Variants in MYOCD observed in about 807,000 individuals in gnomAD.
The protein encoded by MYOCD is myocardin.
Under a neutral mutation model 96.1 loss-of-function variants are expected in MYOCD, and 32 were observed. The ratio of observed to expected loss-of-function variants is 0.33; its 90% CI spans 0.25 to 0.45. The LOEUF (loss-of-function observed/expected upper bound fraction) is 0.45, where lower values mean the gene tolerates loss of function less well. MYOCD is among the 20% of genes least tolerant of loss of function. MYOCD has a pLI of 1.00. For missense variants in MYOCD, 1,133 were observed against 1,200.6 expected (o/e 0.94, Z 0.83); for synonymous variants, 469 against 469.0 (o/e 1.00, Z 0.00).
intron 1 of MYOCD, among the ~76,000 whole-genome samples, chr17:12,676,489 T>C (rs145075145): frequency 3.6e-4 from 55 of 152,296 alleles, no homozygotes; most frequent in African/African-American, 1.3e-3. Context: ...TTTTCTTATG[T>C]TCTTTCTTAT....
chr17:12,723,473 A>G (rs935363633), intron 5 of MYOCD, among the ~76,000 whole-genome samples: 1 of 152,212 alleles, frequency 6.6e-6, no homozygotes, highest in Non-Finnish European at 1.5e-5. Context: ...CCCAGCTCAC[A>G]GGCTCCTGGG....
rs929342703 is a variant in MYOCD, at chr17:12,715,444, A to G, written c.122-75A>G. 3.6e-5 allele frequency: 47 copies of G among 1,305,236 alleles called. No homozygotes were observed. In the South Asian group the frequency reaches 4.5e-4, roughly 12 times the overall value. The allele number at this position is 1,305,236 out of a possible 1,614,324, so 80.9% of individuals were successfully genotyped here. On this transcript the variant is annotated intron_variant, in intron 2 of 13. Transcript: ENST00000425538. ...CCCTACTGTGCATAGCTCAGCAAGC[A>G]CACCAGCAAACTCTGCGATACAGAC...
rs546098949 is a variant in MYOCD, at chr17:12,679,052, T to A, written c.55+12809T>A. On this transcript the variant is annotated intron_variant, in intron 1 of 13. Coordinates refer to ENST00000425538, the MANE Select transcript of MYOCD (RefSeq NM_001146312.3). ...CACCCAGCAGATTCAGACCTAGAAC[T>A]CTCGTCTCGGGGCTTGCAAAACCAA... Among the ~76,000 whole-genome samples, 5 of 152,178 alleles carry A rather than the reference T, an allele frequency of 3.3e-5. No homozygotes were observed. The East Asian group carries it at 5.8e-4, about 18-fold the overall frequency.
chr17:12,739,282 G>C lies in MYOCD; in HGVS notation c.671G>C (p.Gly224Ala). Residue 224 changes from glycine to alanine, a missense_variant, in exon 7 of 14, where the codon GGG becomes GCG. Physicochemically the swap from Gly to Ala is moderately conservative, Grantham distance 60. Coordinates refer to ENST00000425538, the MANE Select transcript of MYOCD (RefSeq NM_001146312.3). ...PSHQSDAGKQ[G>A]LGPPSTPIAV... ...CACCAGTCAGATGCGGGGAAGCAGGGGCTTGGCCCCCCCAGCACCCCCATA... is the reference window on the plus strand; with the variant it reads ...CACCAGTCAGATGCGGGGAAGCAGGCGCTTGGCCCCCCCAGCACCCCCATA... The C allele has an allele frequency of 6.2e-7, 1 of 1,608,074 alleles. No individual in the cohort carries two copies. Among genetic ancestry groups the C allele is most frequent in the South Asian group, 1.1e-5 (1 of 89,656 alleles).
Position 12,736,227 on chromosome 17 carries a change from G to A in MYOCD, c.482G>A (p.Gly161Glu), listed in dbSNP as rs757539762. 2.5e-6 allele frequency: 4 copies of A among 1,614,166 alleles called. No individual in the cohort carries two copies. The highest frequency in any genetic ancestry group is 2.5e-6 in the Non-Finnish European group (3 of 1,180,032). Reference protein sequence around the residue: ...FAFEEDSSSDGLSPDQTRSED... With the variant: ...FAFEEDSSSDELSPDQTRSED... ...TTTGAAGAGGACAGCAGCAGCGATG[G>A]GCTTTCTCCGGATCAGACTCGAAGT... The change falls in exon 6 of 14, where the codon GGG becomes GAG. Residue 161 changes from glycine to glutamate, a missense_variant. By Grantham distance (98) the Gly-to-Glu change is moderately conservative (BLOSUM62 -2). Coordinates refer to ENST00000425538, the MANE Select transcript of MYOCD (RefSeq NM_001146312.3).
intron 1 of MYOCD, among the ~76,000 whole-genome samples, chr17:12,684,531 A>G (rs1381376474): frequency 6.6e-6 from 1 of 152,208 alleles, no homozygotes; most frequent in Non-Finnish European, 1.5e-5. Flanking sequence ...TGCAGGGTCC[A>G]TTGTTCAACA....
At chr17:12,695,719 A>G (rs946424633) in intron 1 of MYOCD, among the ~76,000 whole-genome samples, 1 of 152,192 alleles carries the variant, frequency 6.6e-6, no homozygotes, top group Non-Finnish European at 1.5e-5. Flanking sequence ...TAATACACAT[A>G]AAATGTACCC....
In MYOCD at chr17:12,763,652, A is replaced by G; in HGVS notation, c.*8A>G. On this transcript the variant is annotated 3_prime_UTR_variant, in exon 14 of 14. Coordinates refer to ENST00000425538, the MANE Select transcript of MYOCD (RefSeq NM_001146312.3). ...CACTTGCAGCAGTGGTAGAATGCCC[A>G]ATGCACCAGTGCTATGGAAGACCAA... 1 of 1,601,230 alleles carries G rather than the reference A, an allele frequency of 6.2e-7. No individual in the cohort carries two copies. Among genetic ancestry groups the G allele is most frequent in the Non-Finnish European group, 8.5e-7 (1 of 1,173,036 alleles).
In MYOCD at chr17:12,733,885, A is replaced by AAAAAAAAAG. The variant is rs1567591071; in HGVS notation, c.416-2273_416-2272insAAAAAGAAA. Among the ~76,000 whole-genome samples the AAAAAAAAAG allele has an allele frequency of 2.3e-4, 32 of 139,782 alleles. 1 individual carries two copies. Among genetic ancestry groups the AAAAAAAAAG allele is most frequent in the Non-Finnish European group, 3.5e-4 (23 of 64,984 alleles). 91.7% of individuals were successfully genotyped at this position (139,782 alleles called of 152,430 possible). A position where few individuals can be genotyped will look rare whatever the true frequency, so the allele number is the denominator to read the frequency against. On this transcript the variant is annotated intron_variant, in intron 5 of 13. Transcript: ENST00000425538. ...CGTCTCAAAAAAAAGAAAAAAGAAAAAAAGAAAGAAATGAGAAAATGTGCC... is the reference window on the plus strand; with the variant it reads ...CGTCTCAAAAAAAAGAAAAAAGAAAAAAAAAAAAGAAAGAAAGAAATGAGAAAATGTGCC...
At chr17:12,673,194 A>G (rs1187845071) in intron 1 of MYOCD, among the ~76,000 whole-genome samples, 1 of 152,116 alleles carries the variant, frequency 6.6e-6, no homozygotes, top group Admixed American at 6.6e-5. Context: ...TTCCACAAGG[A>G]ACTTTCTGTT....
intron 2 of MYOCD, among the ~76,000 whole-genome samples, chr17:12,706,297 A>C (rs1393604502): frequency 6.6e-6 from 1 of 152,232 alleles, no homozygotes; most frequent in Non-Finnish European, 1.5e-5. Context: ...AAGGCTGTTT[A>C]AACAACGTTG....
At position 12,736,390 on chromosome 17, in the gene MYOCD, T is replaced by C. The variant is rs1455536008; in HGVS notation, c.591+54T>C. ...AGTAAAACAGCATCTCAGTGTATTA[T>C]CGTTTCAGTCTTAACATCAACACTG... On this transcript the variant is annotated intron_variant, in intron 6 of 13. Transcript: ENST00000425538. 3 of 1,570,146 alleles carry C rather than the reference T, an allele frequency of 1.9e-6. No homozygotes were observed. The African/African-American group carries it at 4.1e-5, about 21-fold the overall frequency.
chr17:12,703,018 C>G (rs1567579014), intron 1 of MYOCD, among the ~76,000 whole-genome samples: 1 of 151,888 alleles, frequency 6.6e-6, no homozygotes, highest in Non-Finnish European at 1.5e-5. Flanking sequence ...TCCCTTGAGC[C>G]TGAAGAATTT....
chr17:12,709,928 CTT>C (rs977106210), intron 2 of MYOCD, among the ~76,000 whole-genome samples: 3 of 152,150 alleles, frequency 2.0e-5, no homozygotes, highest in Admixed American at 6.5e-5. Flanking sequence ...CTTCTGAAGA[CTT>C]AGTGTGGAAA....
chr17:12,751,753 G>A (rs1428759391), intron 9 of MYOCD, among the ~76,000 whole-genome samples: 4 of 152,168 alleles, frequency 2.6e-5, no homozygotes, highest in Non-Finnish European at 5.9e-5. Flanking sequence ...TGAACTGATG[G>A]TCTTATCGCC....
chr17:12,709,500 C>G (rs1332481985), intron 2 of MYOCD, among the ~76,000 whole-genome samples: 1 of 152,184 alleles, frequency 6.6e-6, no homozygotes, highest in Non-Finnish European at 1.5e-5. Context: ...GTTCTCAGAC[C>G]AGGTGCATTT....
In MYOCD at chr17:12,715,520, A is replaced by T; in HGVS notation, c.123A>T (p.Pro41=). Residue 41 remains proline (P), a splice_region_variant and synonymous_variant, in exon 3 of 14, where the codon CCA becomes CCT. Transcript: ENST00000425538. ...EQLANQGIIP[P]LKRPAEFHEQ... ...CACGTTTTTGTGTTTCTGTTTCAGC[A>T]CTGAAACGTCCAGCTGAATTCCATG... 1.2e-6 allele frequency: 2 copies of T among 1,613,462 alleles called. No individual in the cohort carries two copies. Among genetic ancestry groups the T allele is most frequent in the Non-Finnish European group, 1.7e-6 (2 of 1,179,640 alleles).
intron 10 of MYOCD, among the ~76,000 whole-genome samples, chr17:12,756,160 T>C (rs1368720945): frequency 1.3e-5 from 2 of 152,006 alleles, no homozygotes; most frequent in African/African-American, 4.8e-5. Context: ...AGCACCAAAG[T>C]GTAGAGTCTT....
intron 1 of MYOCD, among the ~76,000 whole-genome samples, chr17:12,697,813 G>A (rs1405017883): frequency 2.6e-5 from 4 of 152,140 alleles, no homozygotes; most frequent in African/African-American, 9.7e-5. Flanking sequence ...GAAACAGATT[G>A]TGGCTTATAT....
Sources: allele counts gnomAD v4.1 joint callset (sites outside exome capture counted in the v4.1 genomes callset), GRCh38; gene constraint gnomAD v4.1.1; transcripts MANE v1.5; gene names NCBI Gene and HGNC (gene_info 2026-07-23, HGNC 2026-07-21).